Variants in DNAH3 observed in about 807,000 individuals in gnomAD.
The protein encoded by DNAH3 is axonemal beta dynein heavy chain 3.
Under a neutral mutation model 432.5 loss-of-function variants are expected in DNAH3, and 332 were observed. The ratio of observed to expected loss-of-function variants is 0.77; its 90% CI spans 0.70 to 0.84. The LOEUF (loss-of-function observed/expected upper bound fraction) is 0.84. DNAH3 is among the 40% of genes least tolerant of loss of function. The pLI is 0.00. For synonymous variants in DNAH3, 1,956 were observed against 1,900.2 expected, an observed-to-expected ratio of 1.03 and a Z score of -0.76; for missense variants, 4,861 against 5,114.0, an observed-to-expected ratio of 0.95 and a Z score of 1.51.
intron 18 of DNAH3, among the ~76,000 whole-genome samples, chr16:21,096,859 A>G (rs1169833587): frequency 1.3e-5 from 2 of 152,164 alleles, no homozygotes; most frequent in Admixed American, 1.3e-4. Flanking sequence ...AAGTTCTTTA[A>G]GCATTAAAAT....
At chr16:20,978,214 C>T (rs1335131509) in intron 50 of DNAH3, among the ~76,000 whole-genome samples, 1 of 152,156 alleles carries the variant, frequency 6.6e-6, no homozygotes, top group Non-Finnish European at 1.5e-5. Flanking sequence ...ACTGCTACCA[C>T]TTAGTTTTTT....
intron 59 of DNAH3, among the ~76,000 whole-genome samples, chr16:20,937,416 C>G (rs151191325): frequency 2.6e-5 from 4 of 152,096 alleles, no homozygotes; most frequent in Non-Finnish European, 5.9e-5. Context: ...ACATTGCTAG[C>G]AAAATTCATC....
chr16:21,009,619 C>T lies in DNAH3; in HGVS notation c.6023-6412G>A, dbSNP rs528580777. Among the ~76,000 whole-genome samples the T allele has an allele frequency of 2.6e-5, 4 of 152,194 alleles. No homozygotes were observed. In the East Asian group the frequency reaches 7.7e-4, roughly 29 times the overall value. On this transcript the variant is annotated intron_variant, in intron 41 of 61. Coordinates refer to ENST00000261383, the Ensembl canonical transcript of DNAH3. The stretch of plus-strand genomic sequence containing the variant: ...TTTGGCTGGGTGTGGTGGCTTATGC[C>T]TATAATTCCAGCACTTTGGGAGGCC...
chr16:21,042,253 C>A, intron 31 of DNAH3, 50 bp from the exon 32 acceptor site: 1 of 1,528,106 alleles, frequency 6.5e-7, no homozygotes, highest in South Asian at 1.3e-5. Flanking sequence ...TGTCTGACAA[C>A]CACCCTACTC....
chr16:21,114,497 T>C (rs1440217147), intron 12 of DNAH3, among the ~76,000 whole-genome samples: 2 of 152,150 alleles, frequency 1.3e-5, no homozygotes, highest in African/African-American at 4.8e-5. Flanking sequence ...ATCAACACTT[T>C]AGAGACTCTG....
At chr16:20,982,983 G>A (rs2152664532) in intron 48 of DNAH3, 97 bp from the exon 49 acceptor site, 2 of 1,389,696 alleles carry the variant, frequency 1.4e-6, no homozygotes, top group Non-Finnish European at 2.0e-6. Flanking sequence ...GGGTAAGTGG[G>A]GGCAGGCTTC....
chr16:21,100,526 G>A (rs2091810811), intron 16 of DNAH3, among the ~76,000 whole-genome samples: 1 of 152,222 alleles, frequency 6.6e-6, no homozygotes, highest in African/African-American at 2.4e-5. Context: ...AAGGAACCGT[G>A]TTCTATCTGA....
intron 25 of DNAH3, 123 bp downstream of exon 25, chr16:21,062,359 A>T (rs2090388812): frequency 1.3e-6 from 1 of 741,102 alleles, no homozygotes; most frequent in South Asian, 1.8e-5. Flanking sequence ...CAGTCGTTAC[A>T]TCGTAGAACC....
chr16:20,956,099 TG>T (rs1436089647), intron 54 of DNAH3, among the ~76,000 whole-genome samples: 1 of 152,012 alleles, frequency 6.6e-6, no homozygotes, highest in East Asian at 1.9e-4. Flanking sequence ...GGCTAATTTT[TG>T]TATTTTTAGT....
chr16:21,035,064 C>T (rs186704304), intron 35 of DNAH3, among the ~76,000 whole-genome samples: 1 of 152,290 alleles, frequency 6.6e-6, no homozygotes, highest in East Asian at 1.9e-4. Flanking sequence ...GGGTAGCTCA[C>T]ACCTGTAATC....
At chr16:21,108,624 AC>A (rs1257083220) in intron 14 of DNAH3, among the ~76,000 whole-genome samples, 1 of 152,062 alleles carries the variant, frequency 6.6e-6, no homozygotes, top group African/African-American at 2.4e-5. Context: ...GCATCTGTAG[AC>A]CCAGCTACTT....
At chr16:21,100,569 T>C (rs1183707259) in intron 16 of DNAH3, among the ~76,000 whole-genome samples, 2 of 152,186 alleles carry the variant, frequency 1.3e-5, no homozygotes, top group Non-Finnish European at 2.9e-5. Flanking sequence ...CAATGTCGGG[T>C]GCTCTCCCTA....
At chr16:20,990,216 A>T (rs117575405) in intron 44 of DNAH3, among the ~76,000 whole-genome samples, 2 of 152,130 alleles carry the variant, frequency 1.3e-5, no homozygotes, top group African/African-American at 2.4e-5. Flanking sequence ...ACTTTCACTT[A>T]CCTTATACGC....
At chr16:20,959,241 C>T in exon 54 of DNAH3, 13 of 1,614,220 alleles carry the variant, frequency 8.1e-6, no homozygotes, top group Non-Finnish European at 1.1e-5. Flanking sequence ...CCAGGGTAGG[C>T]ATCCAGCTTG....
chr16:21,150,038 C>A (rs2092833538), intron 1 of DNAH3, among the ~76,000 whole-genome samples: 1 of 151,866 alleles, frequency 6.6e-6, no homozygotes, highest in Non-Finnish European at 1.5e-5. Context: ...CCAGCCTGAC[C>A]AACATGGATA....
chr16:21,082,851 A>AAT (rs2091241185), intron 19 of DNAH3, among the ~76,000 whole-genome samples: 1 of 149,388 alleles, frequency 6.7e-6, no homozygotes, highest in Non-Finnish European at 1.5e-5. Flanking sequence ...AATTAACACA[A>AAT]ATGGCTCACG....
At chr16:21,119,719 C>A (rs1300693982) in intron 11 of DNAH3, among the ~76,000 whole-genome samples, 1 of 151,910 alleles carries the variant, frequency 6.6e-6, no homozygotes, top group African/African-American at 2.4e-5. Context: ...GCCTCAGCCT[C>A]CCGAGTAGCT....
At chr16:20,963,802 A>G in exon 53 of DNAH3, 1 of 1,614,042 alleles carries the variant, frequency 6.2e-7, no homozygotes, top group East Asian at 2.2e-5. Flanking sequence ...AGAACGGCAC[A>G]CGTTGTTGTA....
At chr16:20,954,291 C>CTTT (rs1190060999) in intron 55 of DNAH3, among the ~76,000 whole-genome samples, 3 of 127,828 alleles carry the variant, frequency 2.3e-5, no homozygotes, top group African/African-American at 5.7e-5. Flanking sequence ...TACCTATAGA[C>CTTT]TTTTTTTTTT....
Sources: allele counts gnomAD v4.1 joint callset (sites outside exome capture counted in the v4.1 genomes callset), GRCh38; gene constraint gnomAD v4.1.1; transcripts MANE v1.5; gene names NCBI Gene and HGNC (gene_info 2026-07-23, HGNC 2026-07-21).